EIF4G3: variants seen among roughly 807,000 people sequenced by gnomAD.
The protein encoded by EIF4G3 is eukaryotic translation initiation factor 4 gamma 3.
EIF4G3 carries 34 observed loss-of-function variants against 186.4 expected under a neutral mutation model. That is an observed-to-expected ratio of 0.18 (90% CI 0.14 to 0.24). The LOEUF (loss-of-function observed/expected upper bound fraction) is 0.24, where lower values mean the gene tolerates loss of function less well. Ranked by LOEUF, EIF4G3 falls within the 10% of genes least tolerant of loss-of-function variation. The pLI, the probability that EIF4G3 is intolerant of heterozygous loss-of-function variation, is 1.00. For missense variants in EIF4G3, 1,536 were observed against 1,948.5 expected (o/e 0.79, Z 3.99); for synonymous variants, 673 against 679.5 (o/e 0.99, Z 0.15).
At chr1:20,847,427 T>C (rs184219901) in intron 29 of EIF4G3, among the ~76,000 whole-genome samples, 57 of 152,322 alleles carry the variant, frequency 3.7e-4, no homozygotes, top group Non-Finnish European at 6.0e-4. Context: ...AGAGTCCTCC[T>C]ATTGTACTCT....
intron 3 of EIF4G3, among the ~76,000 whole-genome samples, chr1:21,066,598 A>G (rs2095251712): frequency 6.6e-6 from 1 of 152,194 alleles, no homozygotes; most frequent in Non-Finnish European, 1.5e-5. Context: ...TTTCTTGCCT[A>G]CAGAATTCCC....
chr1:21,054,114 G>C (rs992834794), intron 3 of EIF4G3, among the ~76,000 whole-genome samples: 1 of 152,014 alleles, frequency 6.6e-6, no homozygotes, highest in African/African-American at 2.4e-5. Context: ...TTTTTATTTT[G>C]TTCTGTACTA....
chr1:20,986,871 C>A (rs1435650620), intron 7 of EIF4G3, among the ~76,000 whole-genome samples: 1 of 151,768 alleles, frequency 6.6e-6, no homozygotes, highest in African/African-American at 2.4e-5. Flanking sequence ...AAATTCACCT[C>A]CTAAACTTCA....
intron 20 of EIF4G3, among the ~76,000 whole-genome samples, chr1:20,875,588 A>G (rs930133621): frequency 2.0e-5 from 3 of 152,248 alleles, no homozygotes; most frequent in African/African-American, 7.2e-5. Flanking sequence ...TCATATTTCA[A>G]TAAAAAAGTT....
chr1:20,821,423 A>G (rs1199070989), intron 33 of EIF4G3, among the ~76,000 whole-genome samples: 1 of 152,178 alleles, frequency 6.6e-6, no homozygotes, highest in Non-Finnish European at 1.5e-5. Flanking sequence ...TCATTATGCA[A>G]TCCCCTGGTG....
chr1:20,921,365 G>T (rs2094484792), intron 14 of EIF4G3, among the ~76,000 whole-genome samples: 2 of 152,228 alleles, frequency 1.3e-5, no homozygotes, highest in African/African-American at 4.8e-5. Context: ...AAAGAGAAAA[G>T]AAGTGGCTCA....
At chr1:21,087,002 T>C (rs934273399) in intron 3 of EIF4G3, among the ~76,000 whole-genome samples, 2 of 151,588 alleles carry the variant, frequency 1.3e-5, no homozygotes, top group African/African-American at 4.8e-5. Flanking sequence ...TGAAATTATA[T>C]GTAAACACTA....
intron 4 of EIF4G3, among the ~76,000 whole-genome samples, chr1:21,021,602 C>A (rs2090710744): frequency 6.6e-6 from 1 of 152,058 alleles, no homozygotes; most frequent in Admixed American, 6.5e-5. Flanking sequence ...GTCATCCAGG[C>A]TGGAGTGCAG....
chr1:21,008,449 G>A (rs753952627), intron 4 of EIF4G3, among the ~76,000 whole-genome samples: 12 of 151,904 alleles, frequency 7.9e-5, no homozygotes, highest in Non-Finnish European at 1.6e-4. Flanking sequence ...CAATTCTCCT[G>A]CCTCAGCCTC....
In EIF4G3 at chr1:20,980,426, T is replaced by C; in HGVS notation, c.401A>G (p.Tyr134Cys). The C allele has an allele frequency of 6.5e-7, 1 of 1,549,904 alleles. No homozygotes were observed. Among genetic ancestry groups the C allele is most frequent in the Non-Finnish European group, 8.6e-7 (1 of 1,158,560 alleles). The change falls in exon 10 of 37, where the codon TAT (tyrosine) becomes TGT (cysteine). Residue 134 changes from tyrosine to cysteine, a missense_variant. By Grantham distance (194) the Tyr-to-Cys change is radical. This residue lies in a region of EIF4G3 where 194 missense variants were observed against 212.8 expected (regional missense o/e 0.91). Coordinates refer to ENST00000602326, the MANE Select transcript of EIF4G3 (RefSeq NM_001391906.1). ...IPQYRHSGPPYVGPPQQYPVQ... is the reference protein window; with the variant it reads ...IPQYRHSGPPCVGPPQQYPVQ... ...TGGATATTGTTGGGGGGGCCCAACATAAGGAGGGCCACTATGACGGTACTA... is the reference window on the plus strand; with the variant it reads ...TGGATATTGTTGGGGGGGCCCAACACAAGGAGGGCCACTATGACGGTACTA...
At chr1:20,863,740 G>A (rs1045978080) in intron 22 of EIF4G3, among the ~76,000 whole-genome samples, 17 of 148,604 alleles carry the variant, frequency 1.1e-4, no homozygotes, top group Non-Finnish European at 1.9e-4. Flanking sequence ...CACCGTGCCC[G>A]GCTGACCCTG....
At chr1:21,167,257 C>T (rs1301373521) in intron 2 of EIF4G3, among the ~76,000 whole-genome samples, 1 of 152,168 alleles carries the variant, frequency 6.6e-6, no homozygotes, top group Non-Finnish European at 1.5e-5. Flanking sequence ...ATTTTCTCTC[C>T]TTATTCCAAA....
intron 4 of EIF4G3, among the ~76,000 whole-genome samples, chr1:21,027,126 A>G (rs1427780398): frequency 1.3e-5 from 2 of 151,636 alleles, no homozygotes; most frequent in Non-Finnish European, 2.9e-5. Context: ...AATCAATACT[A>G]TATTGGTATA....
chr1:20,817,324 C>T (rs1477756202), intron 34 of EIF4G3, 68 bp downstream of exon 34: 9 of 1,078,008 alleles, frequency 8.3e-6, no homozygotes, highest in African/African-American at 5.0e-5. Flanking sequence ...GATAGGTAAG[C>T]GAATTAAGGG....
chr1:21,067,502 C>T (rs2095288782), intron 3 of EIF4G3, among the ~76,000 whole-genome samples: 1 of 152,022 alleles, frequency 6.6e-6, no homozygotes, highest in Admixed American at 6.6e-5. Context: ...TAAATATTAA[C>T]AACAAGGAAT....
chr1:20,816,225 TG>T (rs1421667765), intron 34 of EIF4G3, among the ~76,000 whole-genome samples: 2 of 35,594 alleles, frequency 5.6e-5, no homozygotes, highest in African/African-American at 1.2e-4. Context: ...GGGAGGGAGG[TG>T]GGGGGGTCAG....
intron 2 of EIF4G3, among the ~76,000 whole-genome samples, chr1:21,165,893 TCTAA>T (rs1190945729): frequency 2.0e-5 from 3 of 151,678 alleles, no homozygotes; most frequent in African/African-American, 7.3e-5. Flanking sequence ...ACAGCTGAAG[TCTAA>T]CTTCCTCTTA....
chr1:20,988,644 A>C (rs2080154244), intron 7 of EIF4G3, among the ~76,000 whole-genome samples: 1 of 152,076 alleles, frequency 6.6e-6, no homozygotes, highest in South Asian at 2.1e-4. Context: ...GATTCCTTTC[A>C]AAATATTACT....
intron 7 of EIF4G3, among the ~76,000 whole-genome samples, chr1:20,985,527 A>AT (rs199570165): frequency 0.045 from 6,358 of 141,012 alleles, 140 homozygotes; most frequent in Admixed American, 0.059. Flanking sequence ...AAAAAAAAAA[A>AT]AAATATATAT....
Sources: gnomAD v4.1 joint callset for allele counts (sites outside exome capture counted in the v4.1 genomes callset) on GRCh38, gnomAD v4.1.1 for gene constraint, gnomAD v4.1.1 regional missense constraint, MANE v1.5 for transcripts, NCBI Gene and HGNC (gene_info 2026-07-23, HGNC 2026-07-21) for gene names.